Variants in AUTS2 observed in about 807,000 individuals in gnomAD.
AUTS2 encodes autism susceptibility gene 2 protein.
In AUTS2, 17 loss-of-function variants were observed where a neutral mutation model predicts 112.4. The ratio of observed to expected loss-of-function variants is 0.15; its 90% confidence interval spans 0.10 to 0.23. The LOEUF (loss-of-function observed/expected upper bound fraction) is 0.23. AUTS2 is among the 10% of genes least tolerant of loss of function. The pLI is 1.00. For missense variants in AUTS2, 1,510 were observed against 1,701.6 expected, an observed-to-expected ratio of 0.89 and a Z score of 1.98; for synonymous variants, 751 against 702.7, an observed-to-expected ratio of 1.07 and a Z score of -1.09.
At chr7:70,725,886 G>A (rs1011764732) in intron 6 of AUTS2, among the ~76,000 whole-genome samples, 3 of 152,050 alleles carry the variant, frequency 2.0e-5, no homozygotes, top group African/African-American at 7.2e-5. Context: ...ACCAGCGTGG[G>A]TGGTGGGCGC....
At chr7:69,600,408 C>CGTGTGTGT (rs113179115) in intron 1 of AUTS2, among the ~76,000 whole-genome samples, 106 of 143,402 alleles carry the variant, frequency 7.4e-4, no homozygotes, top group Non-Finnish European at 9.7e-4. Flanking sequence ...GTCATATGTT[C>CGTGTGTGT]GTGTGTGTGT....
intron 2 of AUTS2, among the ~76,000 whole-genome samples, chr7:70,063,594 G>A (rs17365011): frequency 0.22 from 33,730 of 152,072 alleles, 3,816 homozygotes; most frequent in Middle Eastern, 0.3. Context: ...AGAAAGTGTC[G>A]TGTAAGACAA....
At chr7:70,073,707 A>C (rs1208915843) in intron 2 of AUTS2, among the ~76,000 whole-genome samples, 1 of 152,148 alleles carries the variant, frequency 6.6e-6, no homozygotes, top group African/African-American at 2.4e-5. Context: ...TGGTATATGG[A>C]TTATTTCTCA....
intron 4 of AUTS2, among the ~76,000 whole-genome samples, chr7:70,298,157 G>A (rs1157781602): frequency 2.6e-5 from 4 of 151,770 alleles, no homozygotes; most frequent in Middle Eastern, 3.2e-3. Context: ...TCAGCCTCCC[G>A]AGTAGCTGGG....
At chr7:70,695,508 C>T (rs1418321171) in intron 5 of AUTS2, among the ~76,000 whole-genome samples, 3 of 152,194 alleles carry the variant, frequency 2.0e-5, no homozygotes, top group Non-Finnish European at 4.4e-5. Flanking sequence ...GGAGAAAGAA[C>T]TCGCGCTTAA....
chr7:70,599,402 C>T (rs1803362581), intron 5 of AUTS2, among the ~76,000 whole-genome samples: 1 of 152,164 alleles, frequency 6.6e-6, no homozygotes, highest in Non-Finnish European at 1.5e-5. Context: ...CATAGAGTCT[C>T]CTCATTATGG....
intron 1 of AUTS2, among the ~76,000 whole-genome samples, chr7:69,627,816 A>G (rs1464293278): frequency 6.6e-6 from 1 of 152,204 alleles, no homozygotes; most frequent in Non-Finnish European, 1.5e-5. Flanking sequence ...TTGTGTATAA[A>G]ATGGAATAAT....
chr7:70,495,282 C>G lies in AUTS2; in HGVS notation c.690+59501C>G, dbSNP rs185247919. On this transcript the variant is annotated intron_variant, in intron 5 of 18. Transcript: ENST00000342771. ...AAAGCTCAAGTTGAAAGTCCACCCC[C>G]CTTCTACTTAAACTAGGGACCAGAT... is the stretch of plus-strand genomic sequence containing the variant. 5.6e-4 allele frequency among the ~76,000 whole-genome samples: 85 copies of G among 151,702 alleles called. 3 individuals are homozygous for G. In the East Asian group the frequency reaches 0.016, roughly 29 times the overall value.
At position 70,088,491 on chromosome 7, in the gene AUTS2, C is replaced by T. The variant is rs1036356177; in HGVS notation, c.523-29641C>T. Among the ~76,000 whole-genome samples, 5 of 148,784 alleles carry T rather than the reference C, an allele frequency of 3.4e-5. No homozygotes were observed. The South Asian group carries it at 8.4e-4, about 25-fold the overall frequency. The stretch of plus-strand genomic sequence containing the variant: ...TATTTTATTTGGTTTCTACTCTTAT[C>T]GTTGTTATTTCCTGTATTCTACTTA... On this transcript the variant is annotated intron_variant, in intron 2 of 18. Transcript: ENST00000342771.
At chr7:69,700,238 A>G (rs765912720) in intron 1 of AUTS2, among the ~76,000 whole-genome samples, 17 of 152,116 alleles carry the variant, frequency 1.1e-4, no homozygotes, top group Admixed American at 2.0e-4. Context: ...ATTATTTACT[A>G]TGTCCAAGAT....
intron 5 of AUTS2, among the ~76,000 whole-genome samples, chr7:70,622,721 G>C (rs184270566): frequency 6.6e-6 from 1 of 152,318 alleles, no homozygotes; most frequent in East Asian, 1.9e-4. Context: ...TGTAATGGGT[G>C]TGCTCTTTCA....
chr7:70,571,699 GT>G (rs556285480), intron 5 of AUTS2, among the ~76,000 whole-genome samples: 42 of 152,336 alleles, frequency 2.8e-4, no homozygotes, highest in African/African-American at 1.0e-3. Flanking sequence ...TTTCGCCTCT[GT>G]GGAGGAGCCT....
chr7:70,343,952 GCAGCCCATTGAAGCTACAT>G (rs1433214151), intron 4 of AUTS2, among the ~76,000 whole-genome samples: 5 of 152,074 alleles, frequency 3.3e-5, no homozygotes, highest in Non-Finnish European at 5.9e-5. Flanking sequence ...TGTGAGTGTT[GCAGCCCATTGAAGCTACAT>G]CCTCAATTCT....
At chr7:70,550,892 A>G (rs1429152016) in intron 5 of AUTS2, among the ~76,000 whole-genome samples, 1 of 152,306 alleles carries the variant, frequency 6.6e-6, no homozygotes, top group Admixed American at 6.5e-5. Flanking sequence ...CCATTCTCCA[A>G]TAAAAAGAAC....
intron 1 of AUTS2, among the ~76,000 whole-genome samples, chr7:69,830,012 T>G (rs979402288): frequency 2.6e-5 from 4 of 152,044 alleles, no homozygotes; most frequent in African/African-American, 7.2e-5. Flanking sequence ...ATAGACTGGA[T>G]AAAGAAATGT....
chr7:70,424,731 C>G (rs150716665), intron 4 of AUTS2, among the ~76,000 whole-genome samples: 5 of 152,232 alleles, frequency 3.3e-5, no homozygotes, highest in African/African-American at 1.2e-4. Context: ...GGACCACAGG[C>G]ATGCATGACC....
At chr7:69,629,972 A>C (rs1794151049) in intron 1 of AUTS2, among the ~76,000 whole-genome samples, 1 of 152,164 alleles carries the variant, frequency 6.6e-6, no homozygotes, top group South Asian at 2.1e-4. Flanking sequence ...ACCAGGCCTT[A>C]AAATTGGGCA....
At chr7:69,922,323 C>A (rs760306914) in intron 2 of AUTS2, among the ~76,000 whole-genome samples, 4 of 152,188 alleles carry the variant, frequency 2.6e-5, no homozygotes, top group Non-Finnish European at 5.9e-5. Context: ...GGCATTATTA[C>A]TCACCTAGCA....
chr7:69,924,171 C>CT (rs35438674), intron 2 of AUTS2, among the ~76,000 whole-genome samples: 53,907 of 151,550 alleles, frequency 0.36, 10,038 homozygotes, highest in African/African-American at 0.46. Context: ...TGTCAAACAC[C>CT]TTTTTTTTGT....
Sources: allele counts gnomAD v4.1 joint callset (sites outside exome capture counted in the v4.1 genomes callset), GRCh38; gene constraint gnomAD v4.1.1; transcripts MANE v1.5; gene names NCBI Gene and HGNC (gene_info 2026-07-23, HGNC 2026-07-21).